EHMT1: variants seen among roughly 807,000 people sequenced by gnomAD.
EHMT1 encodes euchromatic histone lysine methyltransferase 1, also known as histone-lysine N-methyltransferase EHMT1.
A neutral mutation model predicts 147.2 loss-of-function variants in EHMT1; 15 were observed. The ratio of observed to expected loss-of-function variants is 0.10; its 90% CI spans 0.07 to 0.16. The LOEUF is 0.16. Among genes scored for constraint, EHMT1 ranks in the 10% least tolerant of loss-of-function variants. The probability of loss-of-function intolerance (pLI) is 1.00; values close to 1 mark genes in which losing one functional copy is unlikely to be tolerated. For missense variants in EHMT1, 1,587 were observed against 1,772.4 expected, an observed-to-expected ratio of 0.90 and a Z score of 1.88; for synonymous variants, 795 against 709.6, an observed-to-expected ratio of 1.12 and a Z score of -1.91.
At chr9:137,817,333 GT>G in intron 23 of EHMT1, 105 bp from the exon 24 acceptor site, 1 of 1,311,306 alleles carries the variant, frequency 7.6e-7, no homozygotes, top group Non-Finnish European at 1.1e-6. Context: ...TACAGAACCA[GT>G]TTTCTTCCTC....
chr9:137,694,484 C>T (rs933400100), intron 1 of EHMT1, among the ~76,000 whole-genome samples: 19 of 152,224 alleles, frequency 1.2e-4, no homozygotes, highest in Non-Finnish European at 2.4e-4. Flanking sequence ...GCTCCGTGCC[C>T]TTCTTCCTGC....
intron 1 of EHMT1, among the ~76,000 whole-genome samples, chr9:137,696,583 A>G (rs187856003): frequency 1.3e-5 from 2 of 152,316 alleles, no homozygotes; most frequent in Admixed American, 6.5e-5. Flanking sequence ...CAGTGGACCA[A>G]TGTATTTTCT....
chr9:137,695,364 G>A (rs909717637), intron 1 of EHMT1, among the ~76,000 whole-genome samples: 1 of 152,206 alleles, frequency 6.6e-6, no homozygotes, highest in Non-Finnish European at 1.5e-5. Flanking sequence ...CATGGACGGA[G>A]CCCTGGAGCT....
intron 3 of EHMT1, among the ~76,000 whole-genome samples, chr9:137,722,425 T>G (rs1043053390): frequency 5.3e-5 from 8 of 152,248 alleles, no homozygotes; most frequent in Admixed American, 2.0e-4. Flanking sequence ...TTGAGTGTTT[T>G]GAGGCTTCGG....
chr9:137,688,907 A>T (rs1942691722), intron 1 of EHMT1, among the ~76,000 whole-genome samples: 1 of 152,024 alleles, frequency 6.6e-6, no homozygotes, highest in South Asian at 2.1e-4. Context: ...CTGAGCTCTG[A>T]TCTGCTATTG....
At chr9:137,755,377 T>A (rs746607292) in intron 8 of EHMT1, among the ~76,000 whole-genome samples, 4 of 152,226 alleles carry the variant, frequency 2.6e-5, no homozygotes, top group Non-Finnish European at 5.9e-5. Flanking sequence ...ATAATTGTTT[T>A]GAGTTGCCAG....
At chr9:137,659,677 C>T (rs1278188539) in intron 1 of EHMT1, among the ~76,000 whole-genome samples, 2 of 151,750 alleles carry the variant, frequency 1.3e-5, no homozygotes, top group African/African-American at 2.4e-5. Context: ...CTCAGCTTCC[C>T]GAGTAGCTGG....
Position 137,695,021 on chromosome 9 carries a change from C to A in EHMT1, c.22-15946C>A, listed in dbSNP as rs769928018. Among the ~76,000 whole-genome samples the A allele has an allele frequency of 3.9e-5, 6 of 152,342 alleles. No homozygotes were observed. In the South Asian group the frequency reaches 8.3e-4, roughly 21 times the overall value. ...CACCAGTTATGTCAAGGCACCCGTT[C>A]TGGTCATGGCTACTTTTTGGTTTTG... On this transcript the variant is annotated intron_variant, in intron 1 of 26. Transcript: ENST00000460843.
intron 18 of EHMT1, among the ~76,000 whole-genome samples, chr9:137,811,209 GCTA>G (rs1381514894): frequency 6.6e-6 from 1 of 152,120 alleles, no homozygotes; most frequent in Non-Finnish European, 1.5e-5. Context: ...CTGTGATTAT[GCTA>G]CTTTTATAAT....
At chr9:137,778,420 G>C (rs1241101189) in intron 13 of EHMT1, among the ~76,000 whole-genome samples, 1 of 152,198 alleles carries the variant, frequency 6.6e-6, no homozygotes, top group Admixed American at 6.5e-5. Context: ...GCAATGCGAG[G>C]GTTGGGCCAA....
intron 1 of EHMT1, among the ~76,000 whole-genome samples, chr9:137,652,868 G>C (rs1938011258): frequency 6.6e-6 from 1 of 151,874 alleles, no homozygotes; most frequent in Non-Finnish European, 1.5e-5. Context: ...TGGGATTACA[G>C]ACACCTGCCA....
chr9:137,808,343 G>T (rs1954124969), intron 18 of EHMT1, among the ~76,000 whole-genome samples: 2 of 152,322 alleles, frequency 1.3e-5, no homozygotes, highest in Admixed American at 1.3e-4. Context: ...CATGGTTGGA[G>T]CTCTGGTGGC....
chr9:137,670,604 G>A (rs1256266433), intron 1 of EHMT1, among the ~76,000 whole-genome samples: 1 of 152,082 alleles, frequency 6.6e-6, no homozygotes, highest in Non-Finnish European at 1.5e-5. Context: ...TCCCATCTGC[G>A]CCTCTCTCTT....
chr9:137,728,208 C>A, intron 3 of EHMT1, 141 bp from the exon 4 acceptor site: 2 of 1,250,998 alleles, frequency 1.6e-6, no homozygotes, highest in Non-Finnish European at 2.3e-6. Context: ...TTTCCGCTTG[C>A]AGACTTTCTC....
At chr9:137,725,854 C>T (rs924571403) in intron 3 of EHMT1, among the ~76,000 whole-genome samples, 1 of 152,112 alleles carries the variant, frequency 6.6e-6, no homozygotes, top group African/African-American at 2.4e-5. Context: ...ACACCCCTCT[C>T]ATCTCCCAGC....
At chr9:137,803,195 A>G (rs1489563557) in intron 18 of EHMT1, 38 of 1,196,186 alleles carry the variant, frequency 3.2e-5, no homozygotes, top group Non-Finnish European at 3.9e-5. Context: ...TTTGTTATTT[A>G]TACAATGAAA....
intron 1 of EHMT1, among the ~76,000 whole-genome samples, chr9:137,679,859 GT>G (rs2134506570): frequency 6.6e-6 from 1 of 152,314 alleles, no homozygotes; most frequent in South Asian, 2.1e-4. Context: ...AGAGTCAGGA[GT>G]TCCTTGTTTC....
chr9:137,744,188 T>TA, intron 6 of EHMT1, 98 bp downstream of exon 6: 2 of 1,278,216 alleles, frequency 1.6e-6, no homozygotes, highest in East Asian at 2.4e-5. Flanking sequence ...TAGACCCTGA[T>TA]AAAATCCCCT....
chr9:137,768,660 C>T (rs1950398362), intron 10 of EHMT1, among the ~76,000 whole-genome samples: 1 of 145,342 alleles, frequency 6.9e-6, no homozygotes, highest in African/African-American at 2.5e-5. Context: ...CGCCATTCTC[C>T]CGCCTCAGCC....
Sources: allele counts gnomAD v4.1 joint callset (sites outside exome capture counted in the v4.1 genomes callset), GRCh38; gene constraint gnomAD v4.1.1; transcripts MANE v1.5; gene names NCBI Gene and HGNC (gene_info 2026-07-23, HGNC 2026-07-21).